The following KCNAB1 variants were observed in gnomAD, a reference collection of about 807,000 sequenced individuals.
KCNAB1 encodes potassium voltage-gated channel subfamily A regulatory beta subunit 1.
KCNAB1 carries 35 observed loss-of-function variants against 64.6 expected under a neutral mutation model. The observed-to-expected ratio is 0.54, with a 90% confidence interval of 0.41 to 0.72. The LOEUF (loss-of-function observed/expected upper bound fraction) is 0.72, where lower values mean the gene tolerates loss of function less well. Ranked by LOEUF, KCNAB1 falls within the 30% of genes least tolerant of loss-of-function variation. KCNAB1 has a pLI of 0.00. For missense variants in KCNAB1, 401 were observed against 512.9 expected (o/e 0.78, Z 2.11); for synonymous variants, 177 against 183.8 (o/e 0.96, Z 0.30).
chr3:156,404,833 A>C (rs926761894), intron 1 of KCNAB1, among the ~76,000 whole-genome samples: 1 of 152,212 alleles, frequency 6.6e-6, no homozygotes, highest in African/African-American at 2.4e-5. Flanking sequence ...GAAGGAGCAG[A>C]GGGAGAGTGG....
At chr3:156,523,744 G>T in intron 11 of KCNAB1, 83 bp from the exon 12 acceptor site, 2 of 1,308,338 alleles carry the variant, frequency 1.5e-6, no homozygotes, top group Non-Finnish European at 2.1e-6. Flanking sequence ...TCATTATGAG[G>T]TTCACATATT....
At chr3:156,143,318 G>A (rs200470745) in intron 1 of KCNAB1, 3 of 1,612,364 alleles carry the variant, frequency 1.9e-6, no homozygotes, top group Non-Finnish European at 2.5e-6. Context: ...AAACCTGTGA[G>A]GCCCAGTGGA....
At chr3:156,509,024 G>A (rs1360044184) in intron 8 of KCNAB1, among the ~76,000 whole-genome samples, 4 of 152,014 alleles carry the variant, frequency 2.6e-5, no homozygotes, top group Middle Eastern at 3.4e-3. Context: ...CTGGACCTCA[G>A]CATTTTTGCC....
At chr3:156,341,592 A>T (rs562269363) in intron 1 of KCNAB1, among the ~76,000 whole-genome samples, 1 of 152,148 alleles carries the variant, frequency 6.6e-6, no homozygotes, top group South Asian at 2.1e-4. Context: ...GGTCTGTGTC[A>T]TGGTGCTACA....
intron 3 of KCNAB1, among the ~76,000 whole-genome samples, chr3:156,455,517 G>A (rs977003249): frequency 2.0e-5 from 3 of 152,184 alleles, no homozygotes; most frequent in African/African-American, 7.2e-5. Flanking sequence ...AAATAATGAT[G>A]AGAGCATATT....
chr3:156,268,641 C>T (rs935964481), intron 1 of KCNAB1, among the ~76,000 whole-genome samples: 6 of 152,160 alleles, frequency 3.9e-5, no homozygotes, highest in Non-Finnish European at 7.4e-5. Context: ...AGCACCTTTT[C>T]ATATACCAGT....
chr3:156,284,312 C>T (rs1208816742), intron 1 of KCNAB1, among the ~76,000 whole-genome samples: 16 of 152,180 alleles, frequency 1.1e-4, no homozygotes, highest in Admixed American at 5.9e-4. Flanking sequence ...CTTGAGGAGG[C>T]AGTCTGCCCG....
At chr3:156,438,651 A>ACTAGTACTATTTGTCTAGTACTATTGT (rs1716758152) in intron 2 of KCNAB1, among the ~76,000 whole-genome samples, 2 of 152,216 alleles carry the variant, frequency 1.3e-5, no homozygotes, top group African/African-American at 4.8e-5. Flanking sequence ...GTATGCTTGT[A>ACTAGTACTATTTGTCTAGTACTATTGT]CTAGTACTAT....
intron 1 of KCNAB1, among the ~76,000 whole-genome samples, chr3:156,125,545 A>T (rs1460184828): frequency 2.6e-5 from 4 of 152,242 alleles, no homozygotes; most frequent in African/African-American, 9.6e-5. Context: ...GTTACTAGGA[A>T]CATTTAGTAG....
chr3:156,156,456 G>T (rs576264854), intron 1 of KCNAB1, among the ~76,000 whole-genome samples: 1 of 152,314 alleles, frequency 6.6e-6, no homozygotes, highest in South Asian at 2.1e-4. Context: ...TACTGGTTAA[G>T]AAGTTACCAT....
intron 1 of KCNAB1, among the ~76,000 whole-genome samples, chr3:156,244,003 G>A (rs1301376147): frequency 3.3e-5 from 5 of 152,190 alleles, no homozygotes; most frequent in African/African-American, 1.2e-4. Context: ...TTCCACTTGG[G>A]TGGCCAAACA....
At chr3:156,316,973 T>C (rs150949699) in intron 1 of KCNAB1, among the ~76,000 whole-genome samples, 301 of 152,216 alleles carry the variant, frequency 2.0e-3, no homozygotes, top group Middle Eastern at 3.4e-3. Context: ...GCTGGGACGA[T>C]TATATGAGAT....
At chr3:156,515,050 GC>G in intron 9 of KCNAB1, 49 bp from the exon 10 acceptor site, 4 of 1,520,342 alleles carry the variant, frequency 2.6e-6, no homozygotes, top group Non-Finnish European at 3.5e-6. Context: ...TTACAGCGAA[GC>G]CTTATTTCTC....
chr3:156,405,842 A>C lies in KCNAB1; in HGVS notation c.276-15774A>C, dbSNP rs112732763. ...GAGTTTTCTTCCTTCCAACCTTATA[A>C]ATAACTACTATGATCCATATTTTTG... On this transcript the variant is annotated intron_variant, in intron 1 of 13. Coordinates refer to ENST00000490337, the MANE Select transcript of KCNAB1 (RefSeq NM_172160.3). Among the ~76,000 whole-genome samples the C allele has an allele frequency of 1.7e-3, 254 of 152,330 alleles. 2 individuals carry two copies. Among genetic ancestry groups the C allele is most frequent in the African/African-American group, 5.8e-3 (243 of 41,578 alleles).
At chr3:156,532,918 C>T (rs1362529663) in intron 13 of KCNAB1, among the ~76,000 whole-genome samples, 1 of 152,228 alleles carries the variant, frequency 6.6e-6, no homozygotes, top group Non-Finnish European at 1.5e-5. Flanking sequence ...TGCCTGGCAT[C>T]GTGCTAGGCA....
intron 8 of KCNAB1, among the ~76,000 whole-genome samples, chr3:156,506,893 A>C (rs949286175): frequency 2.6e-5 from 4 of 152,206 alleles, no homozygotes; most frequent in Non-Finnish European, 5.9e-5. Flanking sequence ...GAAAAAAAAC[A>C]AAAAGAAAGC....
intron 1 of KCNAB1, among the ~76,000 whole-genome samples, chr3:156,276,642 T>C (rs1719363095): frequency 6.6e-6 from 1 of 152,204 alleles, no homozygotes; most frequent in Non-Finnish European, 1.5e-5. Flanking sequence ...CTTGCACTTT[T>C]ATGTTATGGA....
intron 1 of KCNAB1, among the ~76,000 whole-genome samples, chr3:156,133,365 G>A (rs549675079): frequency 6.6e-6 from 1 of 152,286 alleles, no homozygotes; most frequent in South Asian, 2.1e-4. Flanking sequence ...AGTACTGAAT[G>A]TGTTTTAAAA....
At chr3:156,265,486 T>TGATCCTTTCATGTG (rs1718644042) in intron 1 of KCNAB1, among the ~76,000 whole-genome samples, 2 of 152,178 alleles carry the variant, frequency 1.3e-5, no homozygotes, top group South Asian at 2.1e-4. Flanking sequence ...TGGTGACTGG[T>TGATCCTTTCATGTG]GATCCTTTCA....
Sources: allele counts gnomAD v4.1 joint callset (sites outside exome capture counted in the v4.1 genomes callset), GRCh38; gene constraint gnomAD v4.1.1; transcripts MANE v1.5; gene names NCBI Gene and HGNC (gene_info 2026-07-23, HGNC 2026-07-21).